Variants in BAIAP2L1 observed in about 807,000 individuals in gnomAD.
BAIAP2L1 encodes BAR/IMD domain containing adaptor protein 2 like 1.
BAIAP2L1 carries 35 observed loss-of-function variants against 66.3 expected under a neutral mutation model. The ratio of observed to expected loss-of-function variants is 0.53; its 90% CI spans 0.40 to 0.70. BAIAP2L1 has a LOEUF of 0.70. Among genes scored for constraint, BAIAP2L1 ranks in the 30% least tolerant of loss-of-function variants. The pLI, the probability that BAIAP2L1 is intolerant of heterozygous loss-of-function variation, is 0.00. For missense variants in BAIAP2L1, 622 were observed against 656.9 expected (o/e 0.95, Z 0.58); for synonymous variants, 269 against 248.7 (o/e 1.08, Z -0.77).
At chr7:98,304,513 G>A in intron 11 of BAIAP2L1, 137 bp from the exon 12 acceptor site, 7 of 862,032 alleles carry the variant, frequency 8.1e-6, no homozygotes, top group Non-Finnish European at 1.1e-5. Flanking sequence ...CACACACACA[G>A]ACACACACAG....
At chr7:98,337,934 CAAAT>C (rs1416965111) in intron 3 of BAIAP2L1, among the ~76,000 whole-genome samples, 1 of 140,928 alleles carries the variant, frequency 7.1e-6, no homozygotes, top group East Asian at 2.0e-4. Flanking sequence ...AACAAACAAA[CAAAT>C]ATGTACAGCT....
At chr7:98,353,526 TATAA>T (rs1363626110) in intron 3 of BAIAP2L1, among the ~76,000 whole-genome samples, 1 of 135,744 alleles carries the variant, frequency 7.4e-6, no homozygotes, top group Admixed American at 8.4e-5. Flanking sequence ...CACATATATT[TATAA>T]ATATACATAT....
At chr7:98,362,924 G>C (rs1002660680) in intron 1 of BAIAP2L1, among the ~76,000 whole-genome samples, 1 of 152,038 alleles carries the variant, frequency 6.6e-6, no homozygotes, top group African/African-American at 2.4e-5. Flanking sequence ...AATTATAGGG[G>C]TGTGGGCGGG....
chr7:98,330,984 A>G (rs1320305044), intron 3 of BAIAP2L1, among the ~76,000 whole-genome samples: 1 of 152,172 alleles, frequency 6.6e-6, no homozygotes, highest in African/African-American at 2.4e-5. Flanking sequence ...TGGGGGTCAC[A>G]TTTCAACATA....
At chr7:98,338,588 C>A (rs553660463) in intron 3 of BAIAP2L1, among the ~76,000 whole-genome samples, 1 of 152,172 alleles carries the variant, frequency 6.6e-6, no homozygotes, top group Non-Finnish European at 1.5e-5. Flanking sequence ...CAATAAATAG[C>A]CTTTTTATCT....
intron 1 of BAIAP2L1, among the ~76,000 whole-genome samples, chr7:98,394,370 T>C (rs1324973858): frequency 6.6e-6 from 1 of 152,218 alleles, no homozygotes; most frequent in South Asian, 2.1e-4. Flanking sequence ...CTACCACAAC[T>C]GTATGGCCTC....
intron 2 of BAIAP2L1, among the ~76,000 whole-genome samples, chr7:98,358,347 A>G (rs1308003360): frequency 6.6e-6 from 1 of 151,660 alleles, no homozygotes; most frequent in Non-Finnish European, 1.5e-5. Context: ...GGAAAGAAGC[A>G]TATTAGTTTT....
rs148701332 is a variant in BAIAP2L1, at chr7:98,294,155, C to T, written c.1423-44G>A. Reference sequence around the variant, plus strand: ...AGTTTATGGAGGGCTTAGAATTGGTCTTTTAAAAATTATTTTAGGTAGAGA... The same window carrying T: ...AGTTTATGGAGGGCTTAGAATTGGTTTTTTAAAAATTATTTTAGGTAGAGA... On this transcript the variant is annotated intron_variant, in intron 12 of 13. Transcript: ENST00000005260. 8.1e-4 allele frequency: 1,294 copies of T among 1,599,790 alleles called. 4 individuals carry two copies. In the African/African-American group the frequency reaches 0.015, roughly 19 times the overall value.
chr7:98,315,702 C>T, intron 6 of BAIAP2L1, 90 bp from the exon 7 acceptor site: 1 of 567,262 alleles, frequency 1.8e-6, no homozygotes, highest in Non-Finnish European at 2.6e-6. Context: ...CTTCTGCCAT[C>T]TTTACACCTG....
At chr7:98,368,112 G>A (rs1442672885) in intron 1 of BAIAP2L1, among the ~76,000 whole-genome samples, 6 of 152,078 alleles carry the variant, frequency 3.9e-5, no homozygotes, top group African/African-American at 7.2e-5. Context: ...CTGTCATTGT[G>A]AGAATGTTAT....
At chr7:98,354,262 T>C (rs1344941200) in intron 3 of BAIAP2L1, among the ~76,000 whole-genome samples, 1 of 151,992 alleles carries the variant, frequency 6.6e-6, no homozygotes, top group Admixed American at 6.6e-5. Context: ...CGAGAAACCA[T>C]GTGACTTGCC....
At chr7:98,367,220 G>C (rs931861266) in intron 1 of BAIAP2L1, among the ~76,000 whole-genome samples, 2 of 152,078 alleles carry the variant, frequency 1.3e-5, no homozygotes, top group Non-Finnish European at 2.9e-5. Flanking sequence ...AGAGTTCCCA[G>C]GTATGCTTCC....
intron 1 of BAIAP2L1, among the ~76,000 whole-genome samples, chr7:98,368,424 CAAAACAAAACAAAACAAA>C (rs1216531321): frequency 6.6e-6 from 1 of 151,576 alleles, no homozygotes; most frequent in South Asian, 2.1e-4. Flanking sequence ...ATCTCAAAAA[CAAAACAAAACAAAACAAA>C]AGAATCATGG....
intron 3 of BAIAP2L1, among the ~76,000 whole-genome samples, chr7:98,342,749 C>T (rs1801774126): frequency 6.6e-6 from 1 of 152,158 alleles, no homozygotes; most frequent in Admixed American, 6.5e-5. Context: ...GATGAAAAAA[C>T]TGACTCAAAG....
intron 3 of BAIAP2L1, among the ~76,000 whole-genome samples, chr7:98,329,638 G>C (rs1467302309): frequency 6.6e-6 from 1 of 151,836 alleles, no homozygotes; most frequent in Admixed American, 6.6e-5. Flanking sequence ...CTGTAATAAA[G>C]CCTTATCTGA....
At chr7:98,356,873 G>A (rs547993019) in intron 2 of BAIAP2L1, among the ~76,000 whole-genome samples, 2 of 146,304 alleles carry the variant, frequency 1.4e-5, no homozygotes, top group African/African-American at 5.0e-5. Flanking sequence ...CACGCCTATA[G>A]TAGTCCCAGC....
At chr7:98,342,777 G>A (rs1277496158) in intron 3 of BAIAP2L1, among the ~76,000 whole-genome samples, 1 of 152,068 alleles carries the variant, frequency 6.6e-6, no homozygotes, top group Non-Finnish European at 1.5e-5. Flanking sequence ...TAAAGATTTT[G>A]GCAAAACATT....
At chr7:98,373,864 A>G (rs1802564628) in intron 1 of BAIAP2L1, among the ~76,000 whole-genome samples, 1 of 152,216 alleles carries the variant, frequency 6.6e-6, no homozygotes, top group African/African-American at 2.4e-5. Flanking sequence ...CATCATCAGG[A>G]CGAGGGAGAT....
chr7:98,319,354 C>A (rs1801175245), intron 5 of BAIAP2L1, among the ~76,000 whole-genome samples: 1 of 152,152 alleles, frequency 6.6e-6, no homozygotes, highest in African/African-American at 2.4e-5. Flanking sequence ...TGCAGATGGG[C>A]CAGGGCACAC....
Sources: allele counts gnomAD v4.1 joint callset (sites outside exome capture counted in the v4.1 genomes callset), GRCh38; gene constraint gnomAD v4.1.1; transcripts MANE v1.5; gene names NCBI Gene and HGNC (gene_info 2026-07-23, HGNC 2026-07-21).